The following ZNRF1 variants were observed in gnomAD, a reference collection of about 807,000 sequenced individuals.
The protein encoded by ZNRF1 is zinc and ring finger 1.
In ZNRF1, 3 loss-of-function variants were observed where a neutral mutation model predicts 18.4. The observed-to-expected ratio is 0.16, with a 90% confidence interval of 0.07 to 0.42. ZNRF1 has a LOEUF of 0.42. Ranked by LOEUF, ZNRF1 falls within the 10% of genes least tolerant of loss-of-function variation. ZNRF1 has a pLI of 0.99. For synonymous variants in ZNRF1, 157 were observed against 144.2 expected, an observed-to-expected ratio of 1.09 and a Z score of -0.64; for missense variants, 310 against 329.8, an observed-to-expected ratio of 0.94 and a Z score of 0.47.
At chr16:75,000,802 C>T (rs1410239257) in intron 1 of ZNRF1, among the ~76,000 whole-genome samples, 1 of 152,206 alleles carries the variant, frequency 6.6e-6, no homozygotes, top group Non-Finnish European at 1.5e-5. Flanking sequence ...TCTTCTGCTC[C>T]ATGCTAAGTG....
chr16:75,001,840 G>A (rs758836411), intron 1 of ZNRF1, among the ~76,000 whole-genome samples: 3 of 152,192 alleles, frequency 2.0e-5, no homozygotes, highest in Non-Finnish European at 4.4e-5. Context: ...TGAGCTTGTA[G>A]TTGGATTCCA....
At chr16:75,107,101 C>G (rs1254491335) in intron 4 of ZNRF1, 2 of 168,318 alleles carry the variant, frequency 1.2e-5, no homozygotes, top group Non-Finnish European at 2.6e-5. Context: ...CCAGATGAAT[C>G]TGAGGCCTCC....
At chr16:75,085,813 A>AGAGAGAGAGAGAGAGAGT (rs1182589323) in intron 1 of ZNRF1, among the ~76,000 whole-genome samples, 11 of 147,356 alleles carry the variant, frequency 7.5e-5, no homozygotes, top group South Asian at 4.2e-4. Flanking sequence ...AGAGAGAGAG[A>AGAGAGAGAGAGAGAGAGT]GAGAGTGAGT....
chr16:75,043,790 C>CTTTT (rs59324869), intron 1 of ZNRF1, among the ~76,000 whole-genome samples: 21 of 75,172 alleles, frequency 2.8e-4, no homozygotes, highest in African/African-American at 8.2e-4. Context: ...TTGCTTTGTA[C>CTTTT]TTTTTTTTTT....
At chr16:75,009,313 T>C (rs2034964446) in intron 1 of ZNRF1, among the ~76,000 whole-genome samples, 1 of 152,210 alleles carries the variant, frequency 6.6e-6, no homozygotes, top group Admixed American at 6.5e-5. Context: ...AAATTTACTA[T>C]CTTAACCGTT....
At position 75,010,332 on chromosome 16, in the gene ZNRF1, T is replaced by C. The variant is rs76163645; in HGVS notation, c.424+10237T>C. On this transcript the variant is annotated intron_variant, in intron 1 of 4. Coordinates refer to ENST00000335325, the MANE Select transcript of ZNRF1 (RefSeq NM_032268.5). ...TGATTTTAGTGCAGTTTTAAGAAAC[T>C]TTTTAAAGCCTTGTTTATGATAGCC... is the stretch of plus-strand genomic sequence containing the variant. Among the ~76,000 whole-genome samples, 1,045 of 152,300 alleles carry C rather than the reference T, an allele frequency of 6.9e-3. 8 individuals carry two copies. Among genetic ancestry groups the C allele is most frequent in the African/African-American group, 0.024 (1,001 of 41,554 alleles).
chr16:75,104,008 G>C (rs923701882), intron 2 of ZNRF1: 9 of 152,144 alleles, frequency 5.9e-5, no homozygotes, highest in Admixed American at 5.9e-4. Flanking sequence ...GTGGTGGGGG[G>C]GGAGAAAACC....
chr16:75,031,223 C>T (rs960856950), intron 1 of ZNRF1, among the ~76,000 whole-genome samples: 2 of 151,698 alleles, frequency 1.3e-5, no homozygotes, highest in East Asian at 3.9e-4. Flanking sequence ...TCTCCGCCTC[C>T]TGGGTTCAAG....
Position 75,035,314 on chromosome 16 carries a change from G to C in ZNRF1, c.424+35219G>C, listed in dbSNP as rs147202692. 4.9e-4 allele frequency among the ~76,000 whole-genome samples: 74 copies of C among 152,304 alleles called. 2 individuals carry two copies. The East Asian group carries it at 0.013, about 27-fold the overall frequency. On this transcript the variant is annotated intron_variant, in intron 1 of 4. Coordinates refer to ENST00000335325, the MANE Select transcript of ZNRF1 (RefSeq NM_032268.5). ...CTCCCAAAGTACTAGAATTACAGGC[G>C]TGAGCCGCTGCACTGGGCCTTAAAA...
At chr16:75,000,884 G>T (rs1306466498) in intron 1 of ZNRF1, among the ~76,000 whole-genome samples, 1 of 152,222 alleles carries the variant, frequency 6.6e-6, no homozygotes, top group East Asian at 1.9e-4. Flanking sequence ...TTGCCTGGCT[G>T]TTGGCACATG....
chr16:75,080,236 A>G (rs141944953), intron 1 of ZNRF1, among the ~76,000 whole-genome samples: 1 of 152,268 alleles, frequency 6.6e-6, no homozygotes, highest in Non-Finnish European at 1.5e-5. Flanking sequence ...TTTTGATGAA[A>G]TGAATACAGC....
At chr16:75,100,960 G>C (rs1231463645) in intron 2 of ZNRF1, among the ~76,000 whole-genome samples, 1 of 152,194 alleles carries the variant, frequency 6.6e-6, no homozygotes, top group Non-Finnish European at 1.5e-5. Flanking sequence ...TTGAGACAGA[G>C]TCTCGTTCTG....
intron 1 of ZNRF1, among the ~76,000 whole-genome samples, chr16:75,031,707 G>C (rs2035306803): frequency 6.6e-6 from 1 of 151,960 alleles, no homozygotes; most frequent in Admixed American, 6.6e-5. Context: ...AGGGCATGTT[G>C]CCCAGGCTGT....
rs2036342893 is a variant in ZNRF1, at chr16:75,108,492, G to GTA, written c.*793_*794dup. 1 of 397,538 alleles carries GTA rather than the reference G, an allele frequency of 2.5e-6. No homozygotes were observed. The highest frequency in any genetic ancestry group is 2.1e-5 in the African/African-American group (1 of 48,338). The allele number at this position is 397,538 out of a possible 1,614,324, so 24.6% of individuals were successfully genotyped here. ...CAAAAAAAGACTTACTAAGAAATAT[G>GTA]TACAGCTACCCCTGTTTTCAGGCAC... is the stretch of plus-strand genomic sequence containing the variant. On this transcript the variant is annotated 3_prime_UTR_variant, in exon 5 of 5. Coordinates refer to ENST00000335325, the MANE Select transcript of ZNRF1 (RefSeq NM_032268.5).
intron 1 of ZNRF1, among the ~76,000 whole-genome samples, chr16:75,049,823 C>T (rs2035567829): frequency 7.1e-6 from 1 of 140,676 alleles, no homozygotes; most frequent in African/African-American, 2.7e-5. Context: ...ATTCAGATCT[C>T]ATCACTTTCA....
chr16:75,009,909 A>T (rs987559202), intron 1 of ZNRF1, among the ~76,000 whole-genome samples: 1 of 149,876 alleles, frequency 6.7e-6, no homozygotes, highest in Admixed American at 6.8e-5. Context: ...GCATCTTTTC[A>T]TGTGTTTATT....
chr16:75,086,920 T>G (rs1360383886), intron 1 of ZNRF1, among the ~76,000 whole-genome samples: 1 of 152,014 alleles, frequency 6.6e-6, no homozygotes. Context: ...TGGGGCAGCC[T>G]TTAAAATAGC....
At chr16:75,091,983 A>G (rs2036145746) in intron 1 of ZNRF1, among the ~76,000 whole-genome samples, 1 of 152,074 alleles carries the variant, frequency 6.6e-6, no homozygotes, top group Non-Finnish European at 1.5e-5. Flanking sequence ...AGGAGAGAGA[A>G]AATAAAATGT....
intron 1 of ZNRF1, among the ~76,000 whole-genome samples, chr16:75,023,615 T>C (rs28600150): frequency 6.6e-6 from 1 of 150,832 alleles, no homozygotes; most frequent in African/African-American, 2.4e-5. Context: ...ACCCGGGAGG[T>C]GGAGGTTGCA....
Sources: allele counts gnomAD v4.1 joint callset (sites outside exome capture counted in the v4.1 genomes callset), GRCh38; gene constraint gnomAD v4.1.1; transcripts MANE v1.5; gene names NCBI Gene and HGNC (gene_info 2026-07-23, HGNC 2026-07-21).